The following TMEM45A variants were observed in gnomAD, a reference collection of about 807,000 sequenced individuals.
TMEM45A encodes the protein transmembrane protein 45A, also known as DNA polymerase-transactivated protein 4.
TMEM45A carries 25 observed loss-of-function variants against 32.0 expected under a neutral mutation model. The observed-to-expected ratio is 0.78, with a 90% CI of 0.57 to 1.09. TMEM45A has a LOEUF of 1.09. TMEM45A is among the 50% of genes least tolerant of loss of function. TMEM45A has a pLI of 0.00. For missense variants in TMEM45A, 302 were observed against 325.0 expected (o/e 0.93, Z 0.54); for synonymous variants, 122 against 114.8 (o/e 1.06, Z -0.40).
chr3:100,553,083 G>C (rs890440346), intron 1 of TMEM45A, among the ~76,000 whole-genome samples: 1 of 152,178 alleles, frequency 6.6e-6, no homozygotes, highest in Non-Finnish European at 1.5e-5. Context: ...GTTGAAGATA[G>C]CATGAGCTTA....
At chr3:100,568,670 A>G in intron 4 of TMEM45A, 152 bp from the exon 5 acceptor site, 1 of 645,504 alleles carries the variant, frequency 1.5e-6, no homozygotes, top group South Asian at 2.5e-5. Context: ...TATATTACTA[A>G]AACAGGCAGC....
In TMEM45A at chr3:100,568,727, T is replaced by C. The variant is rs1338784659; in HGVS notation, c.589-95T>C. On this transcript the variant is annotated intron_variant, in intron 4 of 5. Transcript: ENST00000323523. ...TACATCTTAGATAATTGGAGTTAAC[T>C]TAGTTATTTACCTCGGAAGCAAGTA... 14 of 1,178,104 alleles carry C rather than the reference T, an allele frequency of 1.2e-5. 1 individual carries two copies. The highest frequency in any genetic ancestry group is 3.2e-5 in the South Asian group (2 of 62,412). The allele number at this position is 1,178,104 out of a possible 1,614,324, so 73.0% of individuals were successfully genotyped here. A position where few individuals can be genotyped will look rare whatever the true frequency, so the allele number is the denominator to read the frequency against.
intron 1 of TMEM45A, among the ~76,000 whole-genome samples, chr3:100,530,410 A>G (rs1330921649): frequency 3.9e-5 from 6 of 152,206 alleles, no homozygotes; most frequent in Non-Finnish European, 5.9e-5. Context: ...AAGACCTTCA[A>G]CTGATTGAAT....
At chr3:100,513,226 A>G (rs886240778) in intron 1 of TMEM45A, among the ~76,000 whole-genome samples, 3 of 151,874 alleles carry the variant, frequency 2.0e-5, no homozygotes, top group African/African-American at 2.4e-5. Flanking sequence ...AAAATCCTCA[A>G]TAAAATACTG....
intron 1 of TMEM45A, among the ~76,000 whole-genome samples, chr3:100,531,300 ATG>A (rs1032676432): frequency 6.6e-6 from 1 of 151,062 alleles, no homozygotes; most frequent in Admixed American, 6.6e-5. Flanking sequence ...GCGTGAGTGT[ATG>A]TGTGTGTGTG....
At chr3:100,499,050 T>C (rs752587303) in intron 1 of TMEM45A, among the ~76,000 whole-genome samples, 7 of 152,232 alleles carry the variant, frequency 4.6e-5, no homozygotes, top group Non-Finnish European at 1.0e-4. Flanking sequence ...ATTAGGGTTT[T>C]TTTTTCGTGT....
intron 4 of TMEM45A, among the ~76,000 whole-genome samples, chr3:100,565,912 C>T (rs776992952): frequency 7.2e-5 from 11 of 152,162 alleles, no homozygotes; most frequent in Non-Finnish European, 1.2e-4. Flanking sequence ...ACCTTGGGCC[C>T]ATAAAATAGT....
chr3:100,503,469 C>A (rs1708034820), intron 1 of TMEM45A, among the ~76,000 whole-genome samples: 1 of 152,190 alleles, frequency 6.6e-6, no homozygotes, highest in South Asian at 2.1e-4. Context: ...ACAGATGAAT[C>A]AATACCTCAT....
At chr3:100,500,547 A>G (rs2148926019) in intron 1 of TMEM45A, among the ~76,000 whole-genome samples, 1 of 152,276 alleles carries the variant, frequency 6.6e-6, no homozygotes, top group African/African-American at 2.4e-5. Flanking sequence ...GACTGTTTCC[A>G]GTCTCGTCTG....
At chr3:100,494,350 G>A (rs890170601) in intron 1 of TMEM45A, among the ~76,000 whole-genome samples, 5 of 152,170 alleles carry the variant, frequency 3.3e-5, no homozygotes, top group African/African-American at 4.8e-5. Context: ...CAGCCTGGGC[G>A]CGGTGGCTCA....
intron 1 of TMEM45A, among the ~76,000 whole-genome samples, chr3:100,524,965 G>A (rs1220043124): frequency 6.6e-6 from 1 of 152,132 alleles, no homozygotes; most frequent in Non-Finnish European, 1.5e-5. Context: ...AGAAGCAGGA[G>A]GATCGCTGTG....
chr3:100,506,094 G>C (rs766579979), intron 1 of TMEM45A, among the ~76,000 whole-genome samples: 7 of 152,150 alleles, frequency 4.6e-5, no homozygotes, highest in Non-Finnish European at 7.4e-5. Context: ...CCAAGCTTGT[G>C]GGGGGAAGAG....
Position 100,564,566 on chromosome 3 carries a change from C to A in TMEM45A, c.589-4256C>A, listed in dbSNP as rs193042258. Among the ~76,000 whole-genome samples the A allele has an allele frequency of 1.9e-3, 291 of 152,114 alleles. 1 individual carries two copies. Among genetic ancestry groups the A allele is most frequent in the African/African-American group, 6.6e-3 (274 of 41,504 alleles). ...TGGCACAATCTCAGCTCACTGCCAC[C>A]TCCACCTCCCGGGTTCAAGCGATTC... On this transcript the variant is annotated intron_variant, in intron 4 of 5. Coordinates refer to ENST00000323523, the MANE Select transcript of TMEM45A (RefSeq NM_018004.3).
chr3:100,500,999 T>C (rs999899977), intron 1 of TMEM45A, among the ~76,000 whole-genome samples: 2 of 152,216 alleles, frequency 1.3e-5, no homozygotes, highest in African/African-American at 2.4e-5. Context: ...CTGTACTACT[T>C]GTAAAATTCC....
chr3:100,532,459 T>A (rs2148957733), intron 1 of TMEM45A, among the ~76,000 whole-genome samples: 1 of 152,324 alleles, frequency 6.6e-6, no homozygotes, highest in African/African-American at 2.4e-5. Context: ...AAATGCAGAT[T>A]CTGAGCTCTG....
At chr3:100,512,549 A>T (rs945083842) in intron 1 of TMEM45A, among the ~76,000 whole-genome samples, 2 of 152,192 alleles carry the variant, frequency 1.3e-5, no homozygotes, top group African/African-American at 4.8e-5. Context: ...ACACCCTAAC[A>T]TCACAATTAA....
At chr3:100,500,816 G>T (rs920305051) in intron 1 of TMEM45A, among the ~76,000 whole-genome samples, 2 of 152,202 alleles carry the variant, frequency 1.3e-5, no homozygotes, top group Non-Finnish European at 2.9e-5. Flanking sequence ...TGACCAGCAA[G>T]GTGGTGCTTT....
intron 1 of TMEM45A, among the ~76,000 whole-genome samples, chr3:100,524,935 A>G (rs1161292176): frequency 1.3e-5 from 2 of 152,194 alleles, no homozygotes; most frequent in African/African-American, 2.4e-5. Context: ...CACACCTGTA[A>G]TCCCAGCACT....
At chr3:100,547,584 A>G (rs1336569298) in intron 1 of TMEM45A, among the ~76,000 whole-genome samples, 1 of 152,034 alleles carries the variant, frequency 6.6e-6, no homozygotes, top group Non-Finnish European at 1.5e-5. Flanking sequence ...GAGGAGGAGG[A>G]GGAGGAGGAA....
Sources: allele counts gnomAD v4.1 joint callset (sites outside exome capture counted in the v4.1 genomes callset), GRCh38; gene constraint gnomAD v4.1.1; transcripts MANE v1.5; gene names NCBI Gene and HGNC (gene_info 2026-07-23, HGNC 2026-07-21).